Variants in HIVEP3 observed in about 807,000 individuals in gnomAD.
HIVEP3 encodes HIVEP zinc finger 3, also known as transcription factor HIVEP3.
A neutral mutation model predicts 152.8 loss-of-function variants in HIVEP3; 49 were observed. That is an observed-to-expected ratio of 0.32 (90% CI 0.26 to 0.41). HIVEP3 has a LOEUF of 0.41. HIVEP3 is among the 10% of genes least tolerant of loss of function. The probability of loss-of-function intolerance (pLI) is 1.00; values close to 1 mark genes in which losing one functional copy is unlikely to be tolerated. For missense variants in HIVEP3, 2,790 were observed against 3,103.3 expected, an observed-to-expected ratio of 0.90 and a Z score of 2.40; for synonymous variants, 1,269 against 1,289.0, an observed-to-expected ratio of 0.98 and a Z score of 0.33.
At chr1:41,554,375 T>C (rs1643933715) in intron 5 of HIVEP3, among the ~76,000 whole-genome samples, 2 of 152,236 alleles carry the variant, frequency 1.3e-5, no homozygotes, top group Admixed American at 1.3e-4. Flanking sequence ...TTTATCCTAG[T>C]TAGCCATTCG....
At chr1:41,801,575 T>C (rs1650303210) in intron 1 of HIVEP3, among the ~76,000 whole-genome samples, 1 of 152,070 alleles carries the variant, frequency 6.6e-6, no homozygotes, top group African/African-American at 2.4e-5. Context: ...CAGTTCTCCT[T>C]ATAATAATGC....
chr1:41,785,735 G>T (rs529043705), intron 1 of HIVEP3, among the ~76,000 whole-genome samples: 2 of 152,252 alleles, frequency 1.3e-5, no homozygotes, highest in East Asian at 3.9e-4. Context: ...ACTAGCTCAC[G>T]CCTGTAATCC....
chr1:41,822,659 T>C (rs190384173), intron 1 of HIVEP3, among the ~76,000 whole-genome samples: 17 of 152,332 alleles, frequency 1.1e-4, no homozygotes, highest in East Asian at 1.9e-4. Flanking sequence ...AGCTATACCA[T>C]GACAGTCCCC....
At chr1:41,681,087 C>T (rs966254075) in intron 2 of HIVEP3, among the ~76,000 whole-genome samples, 1 of 133,706 alleles carries the variant, frequency 7.5e-6, no homozygotes, top group African/African-American at 2.9e-5. Context: ...AAGCTAAGAA[C>T]TGGTGTGTGT....
At chr1:41,979,354 C>T (rs1407627242) in intron 1 of HIVEP3, among the ~76,000 whole-genome samples, 1 of 152,140 alleles carries the variant, frequency 6.6e-6, no homozygotes, top group East Asian at 1.9e-4. Context: ...CACATGCTGG[C>T]TCGAAGACCA....
intron 1 of HIVEP3, among the ~76,000 whole-genome samples, chr1:41,750,878 C>T (rs192971102): frequency 2.5e-4 from 38 of 152,162 alleles, no homozygotes; most frequent in African/African-American, 8.9e-4. Context: ...CCACGCCTGG[C>T]TAATTTTGTA....
intron 1 of HIVEP3, among the ~76,000 whole-genome samples, chr1:41,793,057 G>A (rs994728548): frequency 2.0e-5 from 3 of 152,204 alleles, no homozygotes; most frequent in Admixed American, 6.5e-5. Context: ...GATCAGTGTA[G>A]CATCAGCCCA....
intron 1 of HIVEP3, among the ~76,000 whole-genome samples, chr1:41,788,173 C>T (rs1255188014): frequency 6.6e-6 from 1 of 152,126 alleles, no homozygotes; most frequent in Non-Finnish European, 1.5e-5. Flanking sequence ...GTGGCCACCC[C>T]CCGACAGTGA....
intron 1 of HIVEP3, among the ~76,000 whole-genome samples, chr1:41,991,375 C>T (rs9660291): frequency 3.8e-4 from 57 of 151,234 alleles, no homozygotes; most frequent in African/African-American, 9.5e-4. Flanking sequence ...AACACCTCTA[C>T]GCAAATAAAC....
intron 5 of HIVEP3, among the ~76,000 whole-genome samples, chr1:41,547,438 G>A (rs1278194322): frequency 2.0e-5 from 3 of 152,172 alleles, no homozygotes; most frequent in Non-Finnish European, 4.4e-5. Flanking sequence ...CCTGGCCTGG[G>A]CTTTGAAGAT....
intron 1 of HIVEP3, among the ~76,000 whole-genome samples, chr1:41,901,437 G>A (rs1644621421): frequency 6.6e-6 from 1 of 152,068 alleles, no homozygotes; most frequent in Admixed American, 6.6e-5. Context: ...TACATTGTAA[G>A]AAGAGAAATC....
intron 5 of HIVEP3, among the ~76,000 whole-genome samples, chr1:41,544,891 CCACCAT>C (rs1334785916): frequency 1.9e-4 from 15 of 79,556 alleles, no homozygotes; most frequent in South Asian, 4.1e-4. Flanking sequence ...ACCTCTACCA[CCACCAT>C]CACCACCACC....
chr1:41,532,340 G>GGGAGGACAGAAGAGAA (rs1643286866), intron 5 of HIVEP3, among the ~76,000 whole-genome samples: 2 of 151,990 alleles, frequency 1.3e-5, no homozygotes, highest in African/African-American at 4.8e-5. Flanking sequence ...CAGGAGAGAA[G>GGGAGGACAGAAGAGAA]GGAGGACTTG....
chr1:41,909,591 T>C (rs966934385), intron 1 of HIVEP3, among the ~76,000 whole-genome samples: 7 of 151,968 alleles, frequency 4.6e-5, no homozygotes, highest in Non-Finnish European at 8.8e-5. Context: ...TCAGTAATGA[T>C]ATAAAAGACT....
At chr1:41,880,554 T>G (rs1042261769) in intron 1 of HIVEP3, among the ~76,000 whole-genome samples, 1 of 152,198 alleles carries the variant, frequency 6.6e-6, no homozygotes. Flanking sequence ...CATGTCACCT[T>G]CAGGAAGAGT....
intron 2 of HIVEP3, among the ~76,000 whole-genome samples, chr1:41,699,455 T>G (rs1387723133): frequency 6.6e-6 from 1 of 152,158 alleles, no homozygotes; most frequent in Admixed American, 6.5e-5. Context: ...CAGAAATCAC[T>G]CTAGTACAAC....
chr1:41,545,563 TCACCAC>T (rs61153724), intron 5 of HIVEP3, among the ~76,000 whole-genome samples: 9 of 52,840 alleles, frequency 1.7e-4, no homozygotes, highest in Non-Finnish European at 2.5e-4. Context: ...ATCACTACCA[TCACCAC>T]CACCACCACC....
chr1:41,812,294 G>A (rs1397942320), intron 1 of HIVEP3, among the ~76,000 whole-genome samples: 9 of 152,150 alleles, frequency 5.9e-5, no homozygotes, highest in Middle Eastern at 3.2e-3. Context: ...GCCATGGGCC[G>A]GGTGCAGTGG....
intron 2 of HIVEP3, among the ~76,000 whole-genome samples, chr1:41,694,594 G>A (rs1570332375): frequency 6.6e-6 from 1 of 152,172 alleles, no homozygotes; most frequent in Admixed American, 6.5e-5. Context: ...CTCCAAGAAC[G>A]TGTCAGAATG....
Sources: gnomAD v4.1 joint callset for allele counts (sites outside exome capture counted in the v4.1 genomes callset) on GRCh38, gnomAD v4.1.1 for gene constraint, MANE v1.5 for transcripts, NCBI Gene and HGNC (gene_info 2026-07-23, HGNC 2026-07-21) for gene names.